Variants in SATL1 observed in about 807,000 individuals in gnomAD.
The protein encoded by SATL1 is spermidine/spermine N1-acetyl transferase like 1.
In SATL1, 47 loss-of-function variants were observed where a neutral mutation model predicts 51.8. That is an observed-to-expected ratio of 0.91 (90% CI 0.72 to 1.16). The LOEUF (loss-of-function observed/expected upper bound fraction) is 1.16. Ranked by LOEUF, SATL1 falls within the 50% of genes most tolerant of loss-of-function variation. The pLI, the probability that SATL1 is intolerant of heterozygous loss-of-function variation, is 0.00. For synonymous variants in SATL1, 176 were observed against 182.4 expected, an observed-to-expected ratio of 0.97 and a Z score of 0.28; for missense variants, 520 against 526.4, an observed-to-expected ratio of 0.99 and a Z score of 0.12.
chrX:85,185,814 C>A (rs1337155063), intron 2 of SATL1, among the ~76,000 whole-genome samples: 1 of 110,565 alleles, frequency 9.0e-6, no homozygotes, highest in East Asian at 2.9e-4. Context: ...ACTTGGTGCT[C>A]TACCCCCCTG....
intron 2 of SATL1, among the ~76,000 whole-genome samples, chrX:85,167,516 C>T (rs1926868960): frequency 9.0e-6 from 1 of 111,288 alleles, no homozygotes; most frequent in Admixed American, 9.6e-5. Flanking sequence ...CACATCTATG[C>T]ACACAAACTA....
chrX:85,184,893 G>A (rs1485628142), intron 2 of SATL1, among the ~76,000 whole-genome samples: 1 of 111,949 alleles, frequency 8.9e-6, no homozygotes, highest in Non-Finnish European at 1.9e-5. Flanking sequence ...GTGTATGTTT[G>A]TTGGTGTCTG....
intron 2 of SATL1, among the ~76,000 whole-genome samples, chrX:85,145,242 T>C (rs909278203): frequency 1.8e-5 from 2 of 111,314 alleles, no homozygotes; most frequent in Admixed American, 1.9e-4. Context: ...CCAGTATTTA[T>C]GTTGACCCTA....
chrX:85,231,271 G>T (rs1928377209), intron 1 of SATL1, among the ~76,000 whole-genome samples: 1 of 112,001 alleles, frequency 8.9e-6, no homozygotes, highest in Non-Finnish European at 1.9e-5. Flanking sequence ...GGATGAAGCT[G>T]GAGGACATTA....
At chrX:85,131,745 A>G (rs762284799) in intron 2 of SATL1, among the ~76,000 whole-genome samples, 1 of 111,687 alleles carries the variant, frequency 9.0e-6, no homozygotes, top group Non-Finnish European at 1.9e-5. Flanking sequence ...TCCTAGCATC[A>G]ATGGTCTTTA....
At chrX:85,148,167 C>T (rs1449325320) in intron 2 of SATL1, among the ~76,000 whole-genome samples, 1 of 110,955 alleles carries the variant, frequency 9.0e-6, no homozygotes, top group Non-Finnish European at 1.9e-5. Flanking sequence ...TCGAGAACTA[C>T]GTGAAGAATG....
intron 2 of SATL1, among the ~76,000 whole-genome samples, chrX:85,197,329 G>A (rs977160600): frequency 2.6e-4 from 28 of 109,362 alleles, no homozygotes; most frequent in African/African-American, 8.0e-4. Flanking sequence ...ATGTAAATGG[G>A]GTATACATCA....
At chrX:85,121,531 A>G (rs1351527793) in intron 2 of SATL1, among the ~76,000 whole-genome samples, 1 of 105,200 alleles carries the variant, frequency 9.5e-6, no homozygotes, top group Admixed American at 1.1e-4. Context: ...TAGCTAATGG[A>G]CCAAGAATAT....
chrX:85,183,862 T>C (rs749605816), intron 2 of SATL1, among the ~76,000 whole-genome samples: 26 of 111,590 alleles, frequency 2.3e-4, no homozygotes, highest in Non-Finnish European at 3.4e-4. Flanking sequence ...CATCCTGCTA[T>C]GCTATCAAAT....
chrX:85,152,294 A>G (rs745485250), intron 2 of SATL1, among the ~76,000 whole-genome samples: 73 of 111,043 alleles, frequency 6.6e-4, no homozygotes, highest in African/African-American at 1.3e-3. Flanking sequence ...TTAGAATGGC[A>G]ATCATTAAAA....
chrX:85,178,601 A>ACAAAATGC (rs1328023119), intron 2 of SATL1, among the ~76,000 whole-genome samples: 1 of 97,075 alleles, frequency 1.0e-5, no homozygotes, highest in Non-Finnish European at 2.0e-5. Context: ...TTCAGCCCAC[A>ACAAAATGC]CAAAATGCTC....
chrX:85,135,914 C>G (rs761804988), intron 2 of SATL1, among the ~76,000 whole-genome samples: 17 of 109,543 alleles, frequency 1.6e-4, no homozygotes, highest in Non-Finnish European at 3.2e-4. Context: ...AGGAAAGAGC[C>G]AAAACCGGTT....
intron 2 of SATL1, among the ~76,000 whole-genome samples, chrX:85,208,111 T>G (rs1398137632): frequency 9.1e-6 from 1 of 109,711 alleles, no homozygotes; most frequent in Non-Finnish European, 1.9e-5. Context: ...GTCCAAGTGA[T>G]CTCATTGTTC....
chrX:85,102,015 G>C (rs1924905179), intron 4 of SATL1, among the ~76,000 whole-genome samples: 1 of 109,160 alleles, frequency 9.2e-6, no homozygotes, highest in Non-Finnish European at 1.9e-5. Context: ...AGAGCCTAGG[G>C]GGAGGGAGGT....
chrX:85,170,578 T>C (rs918633970), intron 2 of SATL1, among the ~76,000 whole-genome samples: 1 of 111,709 alleles, frequency 9.0e-6, no homozygotes, highest in Non-Finnish European at 1.9e-5. Flanking sequence ...GTTTTTACTT[T>C]CACTTAAAAG....
At chrX:85,103,768 T>G in intron 4 of SATL1, 96 bp downstream of exon 4, 1 of 561,698 alleles carries the variant, frequency 1.8e-6, no homozygotes, top group Non-Finnish European at 3.0e-6. Context: ...TTAGTAATGG[T>G]GTCATCTTTA....
intron 6 of SATL1, 21 bp downstream of exon 6, chrX:85,094,107 T>G: frequency 1.2e-6 from 1 of 824,794 alleles, no homozygotes; most frequent in East Asian, 3.1e-5. Flanking sequence ...TTAAAAGTAA[T>G]ATCATAAATT....
At position 85,112,858 on chromosome X, in the gene SATL1, G is replaced by C. The variant is rs192031878; in HGVS notation, c.-312-3578C>G. ...ACAACTGCCTGACCATCACCTGATG[G>C]TCGCCTGACATTCCTGGTCAGGAGG... On this transcript the variant is annotated intron_variant, in intron 2 of 7. Transcript: ENST00000644105. Among the ~76,000 whole-genome samples the C allele has an allele frequency of 4.0e-3, 442 of 111,318 alleles. 2 individuals carry two copies. The highest frequency in any genetic ancestry group is 0.014 in the African/African-American group (430 of 30,604).
intron 1 of SATL1, among the ~76,000 whole-genome samples, chrX:85,237,194 C>G (rs1483211425): frequency 9.0e-6 from 1 of 110,724 alleles, no homozygotes; most frequent in African/African-American, 3.3e-5. Context: ...CTACAAGCAG[C>G]AATCCTAAAA....
Sources: gnomAD v4.1 joint callset for allele counts (sites outside exome capture counted in the v4.1 genomes callset) on GRCh38, gnomAD v4.1.1 for gene constraint, MANE v1.5 for transcripts, NCBI Gene and HGNC (gene_info 2026-07-23, HGNC 2026-07-21) for gene names.